CSNK2A1: variants seen among roughly 807,000 people sequenced by gnomAD.
CSNK2A1 encodes casein kinase 2 alpha 1.
CSNK2A1 carries 10 observed loss-of-function variants against 62.9 expected under a neutral mutation model. The ratio of observed to expected loss-of-function variants is 0.16; its 90% confidence interval spans 0.10 to 0.27. The LOEUF is 0.27. Among genes scored for constraint, CSNK2A1 ranks in the 10% least tolerant of loss-of-function variants. The pLI is 1.00. For synonymous variants in CSNK2A1, 124 were observed against 167.8 expected (o/e 0.74, Z 2.02); for missense variants, 160 against 492.0 (o/e 0.33, Z 6.38).
At chr20:517,735 A>G (rs2018856717) in intron 2 of CSNK2A1, among the ~76,000 whole-genome samples, 2 of 152,208 alleles carry the variant, frequency 1.3e-5, no homozygotes, top group African/African-American at 4.8e-5. Context: ...GCACCCTAAA[A>G]TGACCAAAGG....
At chr20:540,064 G>C (rs1247785400) in intron 1 of CSNK2A1, 3 of 152,136 alleles carry the variant, frequency 2.0e-5, no homozygotes, top group Non-Finnish European at 4.4e-5. Context: ...CACCCCTCTG[G>C]GCTCTCCTAT....
Position 508,566 on chromosome 20 carries a change from C to A in CSNK2A1, c.-15G>T. On this transcript the variant is annotated 5_prime_UTR_variant, in exon 3 of 14. Transcript: ENST00000217244. ...GGTCCCGACATGTCAGACAGGTTGG[C>A]GGACAAAGCTGGACTTGATGTTTGG... is the stretch of plus-strand genomic sequence containing the variant. 1 of 1,605,900 alleles carries A rather than the reference C, an allele frequency of 6.2e-7. No homozygotes were observed. The highest frequency in any genetic ancestry group is 8.5e-7 in the Non-Finnish European group (1 of 1,174,268).
rs1489287295 is a variant in CSNK2A1 at position 484,034 on chromosome 20, G to A, written c.1103C>T (p.Ala368Val). Reference protein sequence around the residue: ...VPTPSPLGPLAGSPVIAAANP... With the variant: ...VPTPSPLGPLVGSPVIAAANP... ...GGCAGCAGCAATCACTGGTGAGCCT[G>A]CCAGAGGTCCAAGGGGTGAAGGGGT... The change falls in exon 14 of 14, where the codon GCA (alanine) becomes GTA (valine). Residue 368 changes from alanine (A) to valine (V), a missense_variant. This residue lies in a region of CSNK2A1 where 51 missense variants were observed against 108.8 expected (regional missense o/e 0.47). Coordinates refer to ENST00000217244, the MANE Select transcript of CSNK2A1 (RefSeq NM_177559.3). The A allele has an allele frequency of 1.4e-5, 23 of 1,611,846 alleles. No individual in the cohort carries two copies. Among genetic ancestry groups the A allele is most frequent in the Non-Finnish European group, 1.7e-5 (20 of 1,179,062 alleles).
At chr20:526,337 A>G (rs899493556) in intron 2 of CSNK2A1, among the ~76,000 whole-genome samples, 1 of 152,108 alleles carries the variant, frequency 6.6e-6, no homozygotes, top group African/African-American at 2.4e-5. Context: ...TAGGCCAGGC[A>G]TGGTGGCTCA....
intron 2 of CSNK2A1, among the ~76,000 whole-genome samples, chr20:524,243 G>A (rs1600406224): frequency 6.6e-6 from 1 of 151,688 alleles, no homozygotes; most frequent in African/African-American, 2.4e-5. Context: ...GGCCAGTACA[G>A]TGAAACCCAT....
intron 1 of CSNK2A1, among the ~76,000 whole-genome samples, chr20:528,960 T>C (rs1017122163): frequency 1.3e-5 from 2 of 152,208 alleles, no homozygotes; most frequent in African/African-American, 4.8e-5. Context: ...CCCATACCCA[T>C]GGTTTCAGTT....
chr20:505,581 C>G (rs1180689188), intron 3 of CSNK2A1, among the ~76,000 whole-genome samples: 1 of 151,388 alleles, frequency 6.6e-6, no homozygotes, highest in African/African-American at 2.4e-5. Flanking sequence ...CCAGGATGGT[C>G]TCGATCTCCT....
chr20:486,663 G>A, intron 12 of CSNK2A1: 1 of 521,190 alleles, frequency 1.9e-6, no homozygotes, highest in Non-Finnish European at 3.4e-6. Context: ...ATCAAACTGT[G>A]GTAAAAGCTA....
At chr20:489,503 G>T in intron 10 of CSNK2A1, 1 of 407,632 alleles carries the variant, frequency 2.5e-6, no homozygotes, top group Non-Finnish European at 4.3e-6. Flanking sequence ...CACCATATTG[G>T]AGATAAGGGT....
At chr20:487,131 A>C in intron 12 of CSNK2A1, 1 of 378,660 alleles carries the variant, frequency 2.6e-6, no homozygotes. Flanking sequence ...AGGGACAGGA[A>C]AGATACAGGG....
intron 2 of CSNK2A1, among the ~76,000 whole-genome samples, chr20:513,264 T>A (rs986580407): frequency 6.6e-6 from 1 of 152,248 alleles, no homozygotes; most frequent in African/African-American, 2.4e-5. Context: ...GCCCTTTTCC[T>A]ATGCTTAAAA....
intron 2 of CSNK2A1, among the ~76,000 whole-genome samples, chr20:515,246 T>A (rs542926923): frequency 6.6e-6 from 1 of 152,344 alleles, no homozygotes; most frequent in African/African-American, 2.4e-5. Context: ...TGGAAAATGC[T>A]GTATGAAGTG....
At chr20:489,496 C>T (rs1410514071) in intron 10 of CSNK2A1, 2 of 402,408 alleles carry the variant, frequency 5.0e-6, no homozygotes, top group Non-Finnish European at 8.8e-6. Context: ...GAGAAAACAC[C>T]ATATTGGAGA....
At chr20:503,397 G>C (rs2018509759) in intron 4 of CSNK2A1, 5 of 398,088 alleles carry the variant, frequency 1.3e-5, no homozygotes, top group Non-Finnish European at 2.2e-5. Flanking sequence ...TTCCAACCTA[G>C]TTCTCTTTCT....
intron 2 of CSNK2A1, among the ~76,000 whole-genome samples, chr20:523,858 C>CAAAAAAAAAAAAAAAAAAAAA (rs11401840): frequency 2.2e-5 from 1 of 45,538 alleles, no homozygotes; most frequent in African/African-American, 9.2e-5. Flanking sequence ...GACTCCATCT[C>CAAAAAAAAAAAAAAAAAAAAA]AAAAAAAAAA....
Position 486,278 on chromosome 20 carries a change from G to C in CSNK2A1, c.1060+98C>G, listed in dbSNP as rs967772306. On this transcript the variant is annotated intron_variant, in intron 13 of 13. Coordinates refer to ENST00000217244, the MANE Select transcript of CSNK2A1 (RefSeq NM_177559.3). ...TTAAAAAAAAGTCACAAGGCCACCA[G>C]TACGGAGAAGAGAAGGTATACAAGA... 7.1e-6 allele frequency: 10 copies of C among 1,413,926 alleles called. No homozygotes were observed. In the African/African-American group the frequency reaches 1.4e-4, roughly 20 times the overall value. The allele number at this position is 1,413,926 out of a possible 1,614,324, so 87.6% of individuals were successfully genotyped here.
intron 2 of CSNK2A1, among the ~76,000 whole-genome samples, chr20:520,377 T>C (rs1310579553): frequency 1.3e-5 from 2 of 152,036 alleles, no homozygotes; most frequent in Admixed American, 6.6e-5. Context: ...GGATAATACA[T>C]AGATCAAGGG....
intron 12 of CSNK2A1, 153 bp from the exon 13 acceptor site, chr20:486,615 G>A: frequency 1.5e-6 from 1 of 683,930 alleles, no homozygotes; most frequent in Non-Finnish European, 2.3e-6. Context: ...CCTTCACCAT[G>A]AATTAGACAA....
Position 518,933 on chromosome 20 carries a change from CTTT to C in CSNK2A1, c.-110+8997_-110+8999del, listed in dbSNP as rs796982756. The stretch of plus-strand genomic sequence containing the variant: ...AAATATAGTGAAATCGTTGGATATA[CTTT>C]TTTTTTTTTTTTTTTTTGCCACAAA... On this transcript the variant is annotated intron_variant, in intron 2 of 13. Transcript: ENST00000217244. Among the ~76,000 whole-genome samples the C allele has an allele frequency of 9.9e-3, 1,230 of 123,678 alleles. 21 individuals carry two copies. The highest frequency in any genetic ancestry group is 0.033 in the African/African-American group (1,119 of 33,654). The allele number at this position is 123,678 out of a possible 152,430, so 81.1% of individuals were successfully genotyped here.
Sources: allele counts gnomAD v4.1 joint callset (sites outside exome capture counted in the v4.1 genomes callset), GRCh38; gene constraint gnomAD v4.1.1; regional missense constraint gnomAD v4.1.1; transcripts MANE v1.5; gene names NCBI Gene and HGNC (gene_info 2026-07-23, HGNC 2026-07-21).